The following PLXDC2 variants were observed in gnomAD, a reference collection of about 807,000 sequenced individuals.
PLXDC2 encodes plexin domain-containing protein 2.
A neutral mutation model predicts 68.9 loss-of-function variants in PLXDC2; 40 were observed. The ratio of observed to expected loss-of-function variants is 0.58; its 90% CI spans 0.45 to 0.76. The LOEUF is 0.76. Among genes scored for constraint, PLXDC2 ranks in the 30% least tolerant of loss-of-function variants. The pLI is 0.00. For synonymous variants in PLXDC2, 243 were observed against 234.2 expected (o/e 1.04, Z -0.34); for missense variants, 644 against 661.9 (o/e 0.97, Z 0.30).
chr10:20,217,182 C>A (rs1835149153), intron 10 of PLXDC2, among the ~76,000 whole-genome samples: 1 of 152,152 alleles, frequency 6.6e-6, no homozygotes, highest in South Asian at 2.1e-4. Context: ...AGCTTAACAG[C>A]AGTAAATGAT....
At chr10:20,088,126 C>T (rs777914733) in intron 4 of PLXDC2, among the ~76,000 whole-genome samples, 3 of 152,144 alleles carry the variant, frequency 2.0e-5, no homozygotes, top group Non-Finnish European at 4.4e-5. Flanking sequence ...CTTCAGAGCA[C>T]TAGAGACCTA....
At chr10:20,223,778 C>A (rs1835249960) in intron 12 of PLXDC2, among the ~76,000 whole-genome samples, 1 of 152,258 alleles carries the variant, frequency 6.6e-6, no homozygotes, top group East Asian at 1.9e-4. Context: ...TTAATCCTTT[C>A]TGTGAAAATC....
At chr10:20,015,380 G>C (rs1041578687) in intron 2 of PLXDC2, among the ~76,000 whole-genome samples, 2 of 152,128 alleles carry the variant, frequency 1.3e-5, no homozygotes, top group African/African-American at 4.8e-5. Flanking sequence ...GTGTGAGTTT[G>C]TGTATGTTTG....
At chr10:19,818,286 T>A (rs559648283) in intron 1 of PLXDC2, among the ~76,000 whole-genome samples, 28 of 144,596 alleles carry the variant, frequency 1.9e-4, no homozygotes, top group Non-Finnish European at 3.6e-4. Context: ...TTTAAATGAT[T>A]GCCCGGAAAG....
chr10:20,100,822 C>G (rs1476248515), intron 4 of PLXDC2, among the ~76,000 whole-genome samples: 1 of 151,912 alleles, frequency 6.6e-6, no homozygotes, highest in African/African-American at 2.4e-5. Flanking sequence ...GAGTACTCAT[C>G]TCAATTGAGA....
At chr10:19,882,205 C>G (rs1837739880) in intron 1 of PLXDC2, among the ~76,000 whole-genome samples, 1 of 152,210 alleles carries the variant, frequency 6.6e-6, no homozygotes, top group Non-Finnish European at 1.5e-5. Flanking sequence ...GTTAAAGCTG[C>G]TTGTTTTTCC....
chr10:20,181,548 C>A (rs2131829999), intron 9 of PLXDC2, among the ~76,000 whole-genome samples: 1 of 152,118 alleles, frequency 6.6e-6, no homozygotes, highest in East Asian at 1.9e-4. Context: ...AAACAAAGAT[C>A]TGAATGATGG....
intron 13 of PLXDC2, among the ~76,000 whole-genome samples, chr10:20,276,319 T>A (rs1390708564): frequency 1.3e-5 from 2 of 152,204 alleles, no homozygotes; most frequent in Non-Finnish European, 2.9e-5. Context: ...CACTGCTAAC[T>A]GAGGGTGCCC....
intron 12 of PLXDC2, among the ~76,000 whole-genome samples, chr10:20,243,823 C>T (rs1835551989): frequency 6.6e-6 from 1 of 152,140 alleles, no homozygotes; most frequent in South Asian, 2.1e-4. Flanking sequence ...CTTTGGGAGG[C>T]CGAGGTGGGT....
At chr10:19,864,514 A>C (rs1038103123) in intron 1 of PLXDC2, among the ~76,000 whole-genome samples, 3 of 152,226 alleles carry the variant, frequency 2.0e-5, no homozygotes, top group Non-Finnish European at 4.4e-5. Flanking sequence ...CAAAAATGGA[A>C]CAATTTAAAT....
At chr10:19,836,423 T>G (rs1329887642) in intron 1 of PLXDC2, among the ~76,000 whole-genome samples, 1 of 152,154 alleles carries the variant, frequency 6.6e-6, no homozygotes, top group Non-Finnish European at 1.5e-5. Context: ...CAACTTGACT[T>G]TAAAAAGGCT....
At chr10:20,035,948 T>C (rs572115499) in intron 2 of PLXDC2, among the ~76,000 whole-genome samples, 1 of 152,238 alleles carries the variant, frequency 6.6e-6, no homozygotes, top group Non-Finnish European at 1.5e-5. Flanking sequence ...CAGTTACCAA[T>C]TTTTTGGTAA....
chr10:20,106,882 A>G (rs1019980676), intron 4 of PLXDC2, among the ~76,000 whole-genome samples: 5 of 151,776 alleles, frequency 3.3e-5, no homozygotes, highest in African/African-American at 7.3e-5. Context: ...ACTATTTGCT[A>G]TATCGTGGAT....
At chr10:20,259,938 A>G (rs185982877) in intron 13 of PLXDC2, among the ~76,000 whole-genome samples, 244 of 152,318 alleles carry the variant, frequency 1.6e-3, no homozygotes, top group Middle Eastern at 3.4e-3. Flanking sequence ...AAATAAAAAA[A>G]GGAAGAAGAT....
chr10:20,065,824 G>A (rs776074592), intron 3 of PLXDC2, among the ~76,000 whole-genome samples: 9 of 152,318 alleles, frequency 5.9e-5, no homozygotes, highest in South Asian at 4.1e-4. Context: ...AGGTGGTAAC[G>A]CAAGCCATGG....
intron 10 of PLXDC2, 53 bp downstream of exon 10, chr10:20,211,782 T>A: frequency 6.7e-7 from 1 of 1,497,786 alleles, no homozygotes; most frequent in Middle Eastern, 1.7e-4. Context: ...CATATACATG[T>A]GTTTTAACTG....
At chr10:19,837,105 G>GTTTTT (rs139161456) in intron 1 of PLXDC2, among the ~76,000 whole-genome samples, 1 of 148,920 alleles carries the variant, frequency 6.7e-6, no homozygotes, top group Non-Finnish European at 1.5e-5. Flanking sequence ...TGAATTGAAG[G>GTTTTT]TTTTTTTTTT....
Position 20,245,416 on chromosome 10 carries a change from A to T in PLXDC2, c.1384A>T (p.Ile462Phe), listed in dbSNP as rs766051112. The T allele has an allele frequency of 3.2e-5, 52 of 1,613,898 alleles. No individual in the cohort carries two copies. Among genetic ancestry groups the T allele is most frequent in the Non-Finnish European group, 4.2e-5 (50 of 1,179,988 alleles). ...LHAGLIIGILILVLIVATAIL... is the reference protein window; with the variant it reads ...LHAGLIIGILFLVLIVATAIL... ...CGCTGGCCTCATCATTGGAATCCTC[A>T]TCCTGGTCCTCATTGTAGCCACAGC... is the stretch of plus-strand genomic sequence containing the variant. The change falls in exon 13 of 14, where the codon ATC becomes TTC. Residue 462 changes from isoleucine to phenylalanine, a missense_variant. Transcript: ENST00000377252.
chr10:20,155,305 C>G (rs1720586695), intron 6 of PLXDC2, among the ~76,000 whole-genome samples: 1 of 152,048 alleles, frequency 6.6e-6, no homozygotes. Context: ...AAAGGTAATT[C>G]AAGAAAGTCA....
Sources: gnomAD v4.1 joint callset for allele counts (sites outside exome capture counted in the v4.1 genomes callset) on GRCh38, gnomAD v4.1.1 for gene constraint, MANE v1.5 for transcripts, NCBI Gene and HGNC (gene_info 2026-07-23, HGNC 2026-07-21) for gene names.